Variants in PLCB1 observed in about 807,000 individuals in gnomAD.
PLCB1 encodes 1-phosphatidylinositol 4,5-bisphosphate phosphodiesterase beta-1.
PLCB1 carries 46 observed loss-of-function variants against 161.8 expected under a neutral mutation model. The observed-to-expected ratio is 0.28, with a 90% CI of 0.22 to 0.36. The LOEUF (loss-of-function observed/expected upper bound fraction) is 0.36, where lower values mean the gene tolerates loss of function less well. PLCB1 is among the 10% of genes least tolerant of loss of function. The probability of loss-of-function intolerance (pLI) is 1.00; values close to 1 mark genes in which losing one functional copy is unlikely to be tolerated. For missense variants in PLCB1, 1,016 were observed against 1,472.5 expected (o/e 0.69, Z 5.07); for synonymous variants, 517 against 503.7 (o/e 1.03, Z -0.35).
At chr20:8,810,200 C>T (rs568842906) in intron 31 of PLCB1, among the ~76,000 whole-genome samples, 6 of 152,246 alleles carry the variant, frequency 3.9e-5, no homozygotes, top group Admixed American at 1.3e-4. Flanking sequence ...AACTCACATT[C>T]GACCTTTTAT....
At chr20:8,276,944 CT>C (rs1982584665) in intron 2 of PLCB1, among the ~76,000 whole-genome samples, 1 of 78,720 alleles carries the variant, frequency 1.3e-5, no homozygotes, top group Non-Finnish European at 2.7e-5. Context: ...TCTTCTTCTT[CT>C]TCTTCTTCTT....
chr20:8,435,656 C>T (rs1980266205), intron 3 of PLCB1, among the ~76,000 whole-genome samples: 2 of 152,240 alleles, frequency 1.3e-5, no homozygotes, highest in East Asian at 3.9e-4. Flanking sequence ...TGAATTCTAC[C>T]GTCAACCTGA....
At chr20:8,706,794 G>A (rs1311699607) in intron 11 of PLCB1, among the ~76,000 whole-genome samples, 3 of 152,224 alleles carry the variant, frequency 2.0e-5, no homozygotes, top group Non-Finnish European at 4.4e-5. Flanking sequence ...TAATATCTCT[G>A]CACCTTAGTT....
intron 23 of PLCB1, chr20:8,750,843 A>T: frequency 1.5e-6 from 2 of 1,365,622 alleles, no homozygotes; most frequent in Non-Finnish European, 2.0e-6. Flanking sequence ...ACTCACCCGT[A>T]ATACGCTGGA....
intron 2 of PLCB1, among the ~76,000 whole-genome samples, chr20:8,289,428 T>G (rs1236811279): frequency 2.0e-5 from 3 of 152,116 alleles, no homozygotes; most frequent in African/African-American, 7.2e-5. Flanking sequence ...CAGACCACAC[T>G]AAGAGTGGCA....
At chr20:8,881,103 C>CA (rs1987963664) in intron 31 of PLCB1, 1 of 170,338 alleles carries the variant, frequency 5.9e-6, no homozygotes, top group South Asian at 1.4e-4. Context: ...TGACCTCAAG[C>CA]AATCCACCTG....
intron 3 of PLCB1, among the ~76,000 whole-genome samples, chr20:8,590,141 C>T (rs750028266): frequency 5.3e-5 from 8 of 152,108 alleles, no homozygotes; most frequent in Non-Finnish European, 1.0e-4. Context: ...AGCCTGAACA[C>T]GGAACTTTGA....
At chr20:8,573,527 A>G (rs1600162508) in intron 3 of PLCB1, among the ~76,000 whole-genome samples, 1 of 152,190 alleles carries the variant, frequency 6.6e-6, no homozygotes, top group South Asian at 2.1e-4. Flanking sequence ...ATATACACAT[A>G]CCTCTGTTTT....
At chr20:8,542,696 A>G (rs1305792793) in intron 3 of PLCB1, among the ~76,000 whole-genome samples, 2 of 152,156 alleles carry the variant, frequency 1.3e-5, no homozygotes, top group South Asian at 2.1e-4. Context: ...ACTCTAGGGA[A>G]TTATTGTTTC....
chr20:8,356,302 T>A lies in PLCB1; in HGVS notation c.178-15080T>A, dbSNP rs74617809. Among the ~76,000 whole-genome samples the A allele has an allele frequency of 6.6e-3, 1,011 of 152,280 alleles. 9 individuals are homozygous for A. Among genetic ancestry groups the A allele is most frequent in the African/African-American group, 0.021 (869 of 41,550 alleles). Reference sequence around the variant, plus strand: ...TCTCAGTGGTTCTCAAACTTAAAAGTATATCAGAATCACCTGTAGGATTTG... The same window carrying A: ...TCTCAGTGGTTCTCAAACTTAAAAGAATATCAGAATCACCTGTAGGATTTG... On this transcript the variant is annotated intron_variant, in intron 2 of 31. Transcript: ENST00000338037.
intron 2 of PLCB1, among the ~76,000 whole-genome samples, chr20:8,188,025 G>A (rs754235609): frequency 6.6e-6 from 1 of 151,782 alleles, no homozygotes; most frequent in Non-Finnish European, 1.5e-5. Context: ...TGCGTGGCTT[G>A]GCTGAGGTTT....
intron 31 of PLCB1, among the ~76,000 whole-genome samples, chr20:8,834,537 C>G (rs995297840): frequency 6.6e-6 from 1 of 151,534 alleles, no homozygotes; most frequent in Non-Finnish European, 1.5e-5. Context: ...GGCTGCTGGT[C>G]AGCACAGTGG....
At chr20:8,139,484 G>A (rs2051382084) in intron 1 of PLCB1, among the ~76,000 whole-genome samples, 1 of 151,900 alleles carries the variant, frequency 6.6e-6, no homozygotes, top group Non-Finnish European at 1.5e-5. Flanking sequence ...CACAGAAAGT[G>A]GATTAGTTAG....
At chr20:8,436,381 T>G (rs1196634729) in intron 3 of PLCB1, among the ~76,000 whole-genome samples, 2 of 151,948 alleles carry the variant, frequency 1.3e-5, no homozygotes, top group Non-Finnish European at 2.9e-5. Flanking sequence ...TTAATTATTT[T>G]GAGCAATGAC....
At chr20:8,528,145 A>G (rs1231575023) in intron 3 of PLCB1, among the ~76,000 whole-genome samples, 2 of 152,120 alleles carry the variant, frequency 1.3e-5, no homozygotes, top group Non-Finnish European at 2.9e-5. Context: ...GCAGTGTCTT[A>G]TAAAACTAAA....
At chr20:8,712,762 A>G (rs1160621381) in intron 12 of PLCB1, among the ~76,000 whole-genome samples, 1 of 152,208 alleles carries the variant, frequency 6.6e-6, no homozygotes, top group Non-Finnish European at 1.5e-5. Flanking sequence ...AAATCAAGTG[A>G]GTTCCTCGGT....
intron 3 of PLCB1, among the ~76,000 whole-genome samples, chr20:8,383,907 C>T (rs573240378): frequency 2.6e-5 from 4 of 152,300 alleles, no homozygotes; most frequent in East Asian, 1.9e-4. Context: ...GTCTGATGCG[C>T]TTCCCTTTGT....
chr20:8,361,176 GGGCCCAATGT>G (rs1160017420), intron 2 of PLCB1, among the ~76,000 whole-genome samples: 2 of 152,334 alleles, frequency 1.3e-5, no homozygotes, highest in Non-Finnish European at 2.9e-5. Flanking sequence ...CTGGCCTCTA[GGGCCCAATGT>G]GGAAATTGCT....
intron 2 of PLCB1, among the ~76,000 whole-genome samples, chr20:8,302,257 T>G (rs1568623826): frequency 6.6e-6 from 1 of 152,242 alleles, no homozygotes; most frequent in East Asian, 1.9e-4. Context: ...AGTGAACAGT[T>G]GTTAGTATGT....
Sources: gnomAD v4.1 joint callset for allele counts (sites outside exome capture counted in the v4.1 genomes callset) on GRCh38, gnomAD v4.1.1 for gene constraint, MANE v1.5 for transcripts, NCBI Gene and HGNC (gene_info 2026-07-23, HGNC 2026-07-21) for gene names.